Variants in FIG4 observed in about 807,000 individuals in gnomAD.
The protein encoded by FIG4 is FIG4 phosphoinositide 5-phosphatase.
Under a neutral mutation model 118.6 loss-of-function variants are expected in FIG4, and 112 were observed. The ratio of observed to expected loss-of-function variants is 0.94; its 90% CI spans 0.81 to 1.11. The LOEUF is 1.11. Among genes scored for constraint, FIG4 ranks in the 50% least tolerant of loss-of-function variants. The pLI, the probability that FIG4 is intolerant of heterozygous loss-of-function variation, is 0.00. For missense variants in FIG4, 969 were observed against 1,111.7 expected (o/e 0.87, Z 1.83); for synonymous variants, 369 against 381.2 (o/e 0.97, Z 0.37).
chr6:109,753,328 C>T (rs1206943513), intron 10 of FIG4, among the ~76,000 whole-genome samples: 1 of 151,724 alleles, frequency 6.6e-6, no homozygotes, highest in Non-Finnish European at 1.5e-5. Context: ...CAGTACCATG[C>T]TGTTTTGGTT....
chr6:109,731,538 G>GA (rs1340684176), intron 4 of FIG4, among the ~76,000 whole-genome samples: 9 of 152,048 alleles, frequency 5.9e-5, no homozygotes, highest in Admixed American at 5.9e-4. Flanking sequence ...ACCACAGATT[G>GA]AAAATACTTG....
intron 10 of FIG4, among the ~76,000 whole-genome samples, chr6:109,744,872 C>T (rs919948330): frequency 1.1e-4 from 17 of 148,660 alleles, no homozygotes; most frequent in Admixed American, 3.4e-4. Flanking sequence ...TTCCCACTTA[C>T]GAGTGAGAAC....
chr6:109,820,856 G>T (rs1778985960), intron 22 of FIG4, among the ~76,000 whole-genome samples: 1 of 152,148 alleles, frequency 6.6e-6, no homozygotes. Flanking sequence ...GGATGTGGAA[G>T]TAAACCCCCC....
At chr6:109,815,501 C>A (rs867722761) in intron 22 of FIG4, among the ~76,000 whole-genome samples, 1 of 127,270 alleles carries the variant, frequency 7.9e-6, no homozygotes. Flanking sequence ...GGCTGCCCCC[C>A]CCACCCCCCC....
Position 109,791,327 on chromosome 6 carries a change from T to C in FIG4, c.2181-49T>C, listed in dbSNP as rs1374388156. On this transcript the variant is annotated intron_variant, in intron 19 of 22. Coordinates refer to ENST00000230124, the MANE Select transcript of FIG4 (RefSeq NM_014845.6). ...GGGACAGAGTGATAGACAGTGGGTG[T>C]TGAGGGTTAGTTTAAAGATGCTTCA... 2.7e-6 allele frequency: 4 copies of C among 1,487,408 alleles called. No homozygotes were observed. In the African/African-American group the frequency reaches 5.5e-5, roughly 20 times the overall value. 92.1% of individuals were successfully genotyped at this position (1,487,408 alleles called of 1,614,324 possible).
intron 11 of FIG4, among the ~76,000 whole-genome samples, chr6:109,761,505 C>G (rs1417577945): frequency 6.6e-6 from 1 of 152,170 alleles, no homozygotes; most frequent in Non-Finnish European, 1.5e-5. Flanking sequence ...CCTGCCTTAG[C>G]CATCCAAGTA....
chr6:109,789,770 C>A, intron 19 of FIG4, 93 bp downstream of exon 19: 1 of 859,102 alleles, frequency 1.2e-6, no homozygotes, highest in South Asian at 1.4e-5. Context: ...AACTTCAGGT[C>A]ATATATAGTT....
At position 109,760,258 on chromosome 6, in the gene FIG4, G is replaced by A. The variant is rs1777061210; in HGVS notation, c.1146G>A (p.Glu382=). 2.5e-6 allele frequency: 4 copies of A among 1,613,542 alleles called. No individual in the cohort carries two copies. The highest frequency in any genetic ancestry group is 1.6e-4 in the Middle Eastern group (1 of 6,080). ...IIILNLVKER[E]KRKHERILSE... is the part of the protein sequence containing the mutation. ...TTTAATTTTTGATAAAGGAACGAGAGAAAAGAAAGCATGAAAGAATTCTGA... is the reference window on the plus strand; with the variant it reads ...TTTAATTTTTGATAAAGGAACGAGAAAAAAGAAAGCATGAAAGAATTCTGA... Residue 382 remains glutamate, a synonymous_variant, in exon 11 of 23, where the codon GAG becomes GAA. Coordinates refer to ENST00000230124, the MANE Select transcript of FIG4 (RefSeq NM_014845.6).
At chr6:109,750,365 G>C (rs1424914844) in intron 10 of FIG4, among the ~76,000 whole-genome samples, 1 of 152,220 alleles carries the variant, frequency 6.6e-6, no homozygotes, top group African/African-American at 2.4e-5. Context: ...GCTGGATGTG[G>C]TGGCTCATGC....
chr6:109,714,096 C>T (rs1775354478), intron 1 of FIG4, among the ~76,000 whole-genome samples: 1 of 152,162 alleles, frequency 6.6e-6, no homozygotes, highest in Non-Finnish European at 1.5e-5. Flanking sequence ...AGCGTGTTGC[C>T]CCTACCACTT....
intron 10 of FIG4, among the ~76,000 whole-genome samples, chr6:109,749,270 T>A (rs1389756470): frequency 6.6e-6 from 1 of 152,118 alleles, no homozygotes; most frequent in African/African-American, 2.4e-5. Context: ...AATAATCATT[T>A]TTCTAGACAT....
rs770278572 is a variant in FIG4, at chr6:109,735,158, A to G, written c.506A>G (p.Tyr169Cys). 6 of 1,612,452 alleles carry G rather than the reference A, an allele frequency of 3.7e-6. No individual in the cohort carries two copies. Among genetic ancestry groups the G allele is most frequent in the East Asian group, 4.5e-5 (2 of 44,848 alleles). Residue 169 changes from tyrosine (Y) to cysteine (C), a missense_variant, in exon 6 of 23, where the codon TAT becomes TGT. Coordinates refer to ENST00000230124, the MANE Select transcript of FIG4 (RefSeq NM_014845.6). ...TTCAATTCTGTTCTCAGTTACAGCT[A>G]TGATTTGTCCCACTCACTTCAATAT... ...LSSNFYFSYS[Y>C]DLSHSLQYNL...
chr6:109,717,847 C>T (rs959519213), intron 3 of FIG4, among the ~76,000 whole-genome samples: 45 of 152,326 alleles, frequency 3.0e-4, no homozygotes, highest in African/African-American at 1.0e-3. Flanking sequence ...TCTCTGCTGC[C>T]AGCACCTTAT....
chr6:109,782,040 G>T (rs1050218732), intron 16 of FIG4, among the ~76,000 whole-genome samples: 2 of 152,174 alleles, frequency 1.3e-5, no homozygotes, highest in Middle Eastern at 3.4e-3. Context: ...TCCCAAGTTA[G>T]CTAGGAAAAT....
intron 4 of FIG4, among the ~76,000 whole-genome samples, chr6:109,728,499 T>C (rs1371829447): frequency 2.0e-5 from 3 of 152,076 alleles, no homozygotes; most frequent in Non-Finnish European, 2.9e-5. Context: ...TAGGTAACAG[T>C]TTAGATTTTA....
intron 1 of FIG4, 28 bp from the exon 2 acceptor site, chr6:109,715,050 A>G (rs1317914671): frequency 7.6e-7 from 1 of 1,310,072 alleles, no homozygotes; most frequent in African/African-American, 1.4e-5. Context: ...TGCTTTGATA[A>G]ACTAATGACA....
chr6:109,796,938 C>T (rs1311256413), intron 22 of FIG4, 87 bp downstream of exon 22: 1 of 812,380 alleles, frequency 1.2e-6, no homozygotes, highest in Non-Finnish European at 2.1e-6. Context: ...GAAAAAGATT[C>T]ACTCTTGTCA....
intron 10 of FIG4, among the ~76,000 whole-genome samples, chr6:109,750,669 C>G (rs1272018797): frequency 6.6e-6 from 1 of 152,086 alleles, no homozygotes; most frequent in Non-Finnish European, 1.5e-5. Context: ...TATGCAAAAT[C>G]ACTTGTGTAG....
At chr6:109,807,741 G>A (rs1454571227) in intron 22 of FIG4, among the ~76,000 whole-genome samples, 1 of 152,112 alleles carries the variant, frequency 6.6e-6, no homozygotes, top group Non-Finnish European at 1.5e-5. Flanking sequence ...ATGGTTTTAG[G>A]TCTTATGTTT....
Sources: allele counts gnomAD v4.1 joint callset (sites outside exome capture counted in the v4.1 genomes callset), GRCh38; gene constraint gnomAD v4.1.1; transcripts MANE v1.5; gene names NCBI Gene and HGNC (gene_info 2026-07-23, HGNC 2026-07-21).